CENPP: variants seen among roughly 807,000 people sequenced by gnomAD.
CENPP encodes centromere protein P.
Under a neutral mutation model 35.6 loss-of-function variants are expected in CENPP, and 24 were observed. The ratio of observed to expected loss-of-function variants is 0.67; its 90% confidence interval spans 0.49 to 0.95. The LOEUF (loss-of-function observed/expected upper bound fraction) is 0.95, where lower values mean the gene tolerates loss of function less well. CENPP is among the 40% of genes least tolerant of loss of function. The pLI, the probability that CENPP is intolerant of heterozygous loss-of-function variation, is 0.00. For missense variants in CENPP, 332 were observed against 345.3 expected (o/e 0.96, Z 0.31); for synonymous variants, 120 against 125.5 (o/e 0.96, Z 0.29).
At chr9:92,576,496 A>G (rs1159012230) in intron 5 of CENPP, among the ~76,000 whole-genome samples, 2 of 152,160 alleles carry the variant, frequency 1.3e-5, no homozygotes, top group African/African-American at 4.8e-5. Flanking sequence ...TAAGATGATA[A>G]ATTTTATGTT....
At chr9:92,576,604 TATCTC>T (rs1288302792) in intron 5 of CENPP, among the ~76,000 whole-genome samples, 2 of 152,192 alleles carry the variant, frequency 1.3e-5, no homozygotes, top group Non-Finnish European at 2.9e-5. Context: ...TATCTATTGA[TATCTC>T]ATATCAATAA....
intron 5 of CENPP, chr9:92,496,423 A>T: frequency 6.2e-7 from 1 of 1,609,908 alleles, no homozygotes. Flanking sequence ...CAAGATGAAG[A>T]TGTTCCAGAT....
intron 5 of CENPP, chr9:92,496,306 A>T (rs771313353): frequency 6.4e-7 from 1 of 1,570,408 alleles, no homozygotes; most frequent in South Asian, 1.2e-5. Context: ...AGCAAAGGAA[A>T]ACTTGGAATT....
intron 5 of CENPP, among the ~76,000 whole-genome samples, chr9:92,402,959 A>C (rs562279779): frequency 6.6e-5 from 10 of 152,334 alleles, no homozygotes; most frequent in Non-Finnish European, 4.4e-5. Flanking sequence ...TATAAATTGC[A>C]ACTGGTGAGG....
At chr9:92,548,436 A>G (rs541689892) in intron 5 of CENPP, among the ~76,000 whole-genome samples, 5 of 152,340 alleles carry the variant, frequency 3.3e-5, no homozygotes, top group African/African-American at 1.2e-4. Flanking sequence ...TCCACCCCAT[A>G]CTTGCCAGGA....
intron 5 of CENPP, among the ~76,000 whole-genome samples, chr9:92,453,541 A>C (rs1844779823): frequency 6.6e-6 from 1 of 152,122 alleles, no homozygotes; most frequent in Non-Finnish European, 1.5e-5. Context: ...ATTTTGGAAA[A>C]GGTGTGGTGT....
intron 5 of CENPP, among the ~76,000 whole-genome samples, chr9:92,500,396 T>G (rs1445387193): frequency 2.0e-5 from 3 of 152,236 alleles, no homozygotes; most frequent in Non-Finnish European, 2.9e-5. Context: ...TTGGCCAGGC[T>G]GGCCTCAGAC....
chr9:92,394,180 T>C (rs1363151238), intron 5 of CENPP, among the ~76,000 whole-genome samples: 1 of 151,736 alleles, frequency 6.6e-6, no homozygotes, highest in Non-Finnish European at 1.5e-5. Context: ...TAGTTGGCAC[T>C]CTCTTCTTAT....
At chr9:92,488,998 A>G (rs1053686374) in intron 5 of CENPP, among the ~76,000 whole-genome samples, 7 of 152,266 alleles carry the variant, frequency 4.6e-5, no homozygotes, top group Non-Finnish European at 1.0e-4. Context: ...AAAAGGGAAC[A>G]TAACTTCACA....
intron 5 of CENPP, among the ~76,000 whole-genome samples, chr9:92,411,702 C>T (rs1433974053): frequency 2.6e-5 from 4 of 152,104 alleles, no homozygotes. Flanking sequence ...ATTGAAACTC[C>T]AGAGCTCTGA....
At chr9:92,564,133 T>G (rs1849908384) in intron 5 of CENPP, among the ~76,000 whole-genome samples, 1 of 152,140 alleles carries the variant, frequency 6.6e-6, no homozygotes, top group African/African-American at 2.4e-5. Context: ...ACTCCTGTAA[T>G]CCCAGCACTT....
chr9:92,602,419 A>G (rs1350142764), intron 5 of CENPP, among the ~76,000 whole-genome samples: 3 of 152,170 alleles, frequency 2.0e-5, no homozygotes, highest in African/African-American at 7.2e-5. Flanking sequence ...CATGGAGCAC[A>G]GTGGTGGGGC....
At chr9:92,551,810 AT>A (rs1243262084) in intron 5 of CENPP, among the ~76,000 whole-genome samples, 1 of 151,470 alleles carries the variant, frequency 6.6e-6, no homozygotes, top group Non-Finnish European at 1.5e-5. Context: ...ACTTAGAATA[AT>A]AGTCTCCAAT....
At chr9:92,502,447 AC>A in intron 5 of CENPP, 1 of 1,564,070 alleles carries the variant, frequency 6.4e-7, no homozygotes, top group Non-Finnish European at 8.7e-7. Flanking sequence ...CAGTTTCCAT[AC>A]TCTGTTTAAT....
At chr9:92,356,343 C>G (rs992816740) in intron 4 of CENPP, among the ~76,000 whole-genome samples, 1 of 152,184 alleles carries the variant, frequency 6.6e-6, no homozygotes, top group Non-Finnish European at 1.5e-5. Context: ...TTTATAGGCT[C>G]TCTGCAAGAA....
chr9:92,405,858 TA>T (rs1444679650), intron 5 of CENPP, among the ~76,000 whole-genome samples: 1 of 152,222 alleles, frequency 6.6e-6, no homozygotes, highest in South Asian at 2.1e-4. Flanking sequence ...ACTCATTTAA[TA>T]AAAGTTTATT....
intron 5 of CENPP, among the ~76,000 whole-genome samples, chr9:92,392,835 A>T (rs1448940687): frequency 6.6e-6 from 1 of 152,208 alleles, no homozygotes; most frequent in East Asian, 1.9e-4. Context: ...GAGAAGATAT[A>T]GTTGCCCATA....
intron 5 of CENPP, among the ~76,000 whole-genome samples, chr9:92,562,690 G>A (rs942974040): frequency 1.7e-4 from 26 of 152,140 alleles, no homozygotes; most frequent in Admixed American, 1.5e-3. Flanking sequence ...TGAGGTTTGT[G>A]AGAAAATTAC....
chr9:92,351,909 G>A (rs1409379259), intron 4 of CENPP, among the ~76,000 whole-genome samples: 1 of 152,016 alleles, frequency 6.6e-6, no homozygotes, highest in African/African-American at 2.4e-5. Context: ...ACAGGCGTGA[G>A]CCACTGTGCC....
Sources: allele counts gnomAD v4.1 joint callset (sites outside exome capture counted in the v4.1 genomes callset), GRCh38; gene constraint gnomAD v4.1.1; transcripts MANE v1.5; gene names NCBI Gene and HGNC (gene_info 2026-07-23, HGNC 2026-07-21).